MAP3K1: variants seen among roughly 807,000 people sequenced by gnomAD.
MAP3K1 encodes the protein MAP/ERK kinase kinase 1.
Under a neutral mutation model 144.2 loss-of-function variants are expected in MAP3K1, and 36 were observed. That is an observed-to-expected ratio of 0.25 (90% CI 0.19 to 0.33). MAP3K1 has a LOEUF of 0.33. Ranked by LOEUF, MAP3K1 falls within the 10% of genes least tolerant of loss-of-function variation. The pLI, the probability that MAP3K1 is intolerant of heterozygous loss-of-function variation, is 1.00. For synonymous variants in MAP3K1, 718 were observed against 688.7 expected (o/e 1.04, Z -0.67); for missense variants, 1,650 against 1,881.9 (o/e 0.88, Z 2.28).
At chr5:56,831,794 T>C (rs1032883175) in intron 1 of MAP3K1, among the ~76,000 whole-genome samples, 1 of 152,220 alleles carries the variant, frequency 6.6e-6, no homozygotes, top group South Asian at 2.1e-4. Flanking sequence ...GATAATACTT[T>C]GAAAACCTAA....
intron 18 of MAP3K1, 38 bp from the exon 19 acceptor site, chr5:56,888,188 A>T: frequency 6.2e-7 from 1 of 1,603,336 alleles, no homozygotes. Context: ...TCTTTTTCAA[A>T]TGAGTCCTAT....
At chr5:56,824,361 T>C (rs543082750) in intron 1 of MAP3K1, among the ~76,000 whole-genome samples, 2 of 152,368 alleles carry the variant, frequency 1.3e-5, no homozygotes, top group East Asian at 3.9e-4. Context: ...GGATTGATAC[T>C]TATTTCAGAT....
intron 1 of MAP3K1, chr5:56,841,968 T>C (rs1746828183): frequency 6.6e-6 from 1 of 152,220 alleles, no homozygotes; most frequent in African/African-American, 2.4e-5. Context: ...AAGATACAGA[T>C]GGAATACATT....
At chr5:56,856,808 T>C in intron 2 of MAP3K1, 58 bp downstream of exon 2, 1 of 1,543,110 alleles carries the variant, frequency 6.5e-7, no homozygotes, top group Admixed American at 1.7e-5. Context: ...AATGGAAAAG[T>C]AAGCATAAAT....
At chr5:56,865,505 A>T in intron 5 of MAP3K1, 49 bp downstream of exon 5, 3 of 1,066,574 alleles carry the variant, frequency 2.8e-6, no homozygotes, top group Non-Finnish European at 4.4e-6. Context: ...TATTCTTAGG[A>T]TATATTCTTA....
In MAP3K1 at chr5:56,865,813, C is replaced by T. The variant is rs1268068036; in HGVS notation, c.1153-16C>T. The T allele has an allele frequency of 1.2e-6, 2 of 1,613,078 alleles. No individual in the cohort carries two copies. Among genetic ancestry groups the T allele is most frequent in the Non-Finnish European group, 8.5e-7 (1 of 1,179,098 alleles). On this transcript the variant is annotated splice_polypyrimidine_tract_variant and intron_variant, in intron 5 of 19. Coordinates refer to ENST00000399503, the MANE Select transcript of MAP3K1 (RefSeq NM_005921.2). ...ATGGCACAAATATCATTGTTACTGT[C>T]TTTTTCCAATGTTAGGTTGAGAGTT...
chr5:56,871,764 T>G, intron 6 of MAP3K1, 146 bp from the exon 7 acceptor site: 1 of 685,722 alleles, frequency 1.5e-6, no homozygotes, highest in Non-Finnish European at 2.5e-6. Context: ...ATATTAATAG[T>G]GTAAATATGT....
chr5:56,825,687 C>T (rs1422265927), intron 1 of MAP3K1, among the ~76,000 whole-genome samples: 1 of 152,222 alleles, frequency 6.6e-6, no homozygotes, highest in Admixed American at 6.5e-5. Flanking sequence ...TTCACACCTT[C>T]AGCTTCCAAT....
At chr5:56,851,765 G>C (rs1747180524) in intron 1 of MAP3K1, among the ~76,000 whole-genome samples, 1 of 152,210 alleles carries the variant, frequency 6.6e-6, no homozygotes, top group Non-Finnish European at 1.5e-5. Flanking sequence ...AGCTGTGGAA[G>C]CTGGGATGGA....
At chr5:56,880,848 T>G (rs1312225770) in intron 12 of MAP3K1, 46 bp downstream of exon 12, 6 of 1,470,384 alleles carry the variant, frequency 4.1e-6, no homozygotes, top group Non-Finnish European at 4.8e-6. Flanking sequence ...TTTATCATGT[T>G]CCTGAGCAGC....
At chr5:56,877,767 T>C (rs1748085695) in intron 10 of MAP3K1, among the ~76,000 whole-genome samples, 1 of 152,196 alleles carries the variant, frequency 6.6e-6, no homozygotes, top group Non-Finnish European at 1.5e-5. Flanking sequence ...TCTGCTGTTG[T>C]CTTTTTTCTG....
chr5:56,876,071 T>C (rs187089484), intron 10 of MAP3K1, among the ~76,000 whole-genome samples: 52 of 151,550 alleles, frequency 3.4e-4, no homozygotes, highest in Middle Eastern at 3.4e-3. Flanking sequence ...GACAAGGAGG[T>C]AATTTAGGAG....
chr5:56,870,567 C>T (rs547384054), intron 6 of MAP3K1, among the ~76,000 whole-genome samples: 3 of 152,260 alleles, frequency 2.0e-5, no homozygotes, highest in East Asian at 1.9e-4. Flanking sequence ...AACACATGCA[C>T]GCACGTTCCC....
intron 1 of MAP3K1, among the ~76,000 whole-genome samples, chr5:56,840,134 G>A (rs947642175): frequency 3.9e-5 from 6 of 152,006 alleles, no homozygotes; most frequent in South Asian, 4.1e-4. Context: ...TTAAATAAGC[G>A]TTTTGTTTGT....
intron 1 of MAP3K1, among the ~76,000 whole-genome samples, chr5:56,844,182 G>GTTTTTT (rs1561174026): frequency 3.7e-5 from 4 of 108,402 alleles, no homozygotes; most frequent in Middle Eastern, 4.8e-3. Context: ...TGTTTTTTTT[G>GTTTTTT]GTTTTTTTTT....
intron 9 of MAP3K1, among the ~76,000 whole-genome samples, chr5:56,874,173 T>C (rs1412266462): frequency 6.6e-6 from 1 of 152,222 alleles, no homozygotes; most frequent in Non-Finnish European, 1.5e-5. Flanking sequence ...AATATCCCTT[T>C]ATAACAAAAC....
chr5:56,864,733 G>A lies in MAP3K1; in HGVS notation c.835-1G>A, dbSNP rs983191003. 1.9e-6 allele frequency: 3 copies of A among 1,613,842 alleles called. No homozygotes were observed. The African/African-American group carries it at 4.0e-5, about 22-fold the overall frequency. ...ACCTAATAAAAAAAAATGTTGTGAA[G>A]TTTCAGAGTGGCAGAATCACACCAC... On this transcript the variant is annotated splice_acceptor_variant, in intron 3 of 19. Transcript: ENST00000399503. LOFTEE classifies it high-confidence loss of function.
At chr5:56,839,309 G>A (rs1222041476) in intron 1 of MAP3K1, among the ~76,000 whole-genome samples, 2 of 152,168 alleles carry the variant, frequency 1.3e-5, no homozygotes, top group African/African-American at 2.4e-5. Flanking sequence ...TTGACTACTA[G>A]GCATCAGCCA....
At chr5:56,869,153 C>G (rs1490212257) in intron 6 of MAP3K1, among the ~76,000 whole-genome samples, 23 of 151,780 alleles carry the variant, frequency 1.5e-4, no homozygotes, top group Admixed American at 1.5e-3. Flanking sequence ...CCCCTGTGGT[C>G]CCAGCTACTC....
Sources: allele counts gnomAD v4.1 joint callset (sites outside exome capture counted in the v4.1 genomes callset), GRCh38; gene constraint gnomAD v4.1.1; transcripts MANE v1.5; gene names NCBI Gene and HGNC (gene_info 2026-07-23, HGNC 2026-07-21).